DENND5B: variants seen among roughly 807,000 people sequenced by gnomAD.
DENND5B encodes the protein DENN domain containing 5B, also known as DENN domain-containing protein 5B.
In DENND5B, 34 loss-of-function variants were observed where a neutral mutation model predicts 140.6. The ratio of observed to expected loss-of-function variants is 0.24; its 90% CI spans 0.18 to 0.32. The LOEUF (loss-of-function observed/expected upper bound fraction) is 0.32. DENND5B is among the 10% of genes least tolerant of loss of function. The pLI is 1.00. For missense variants in DENND5B, 1,142 were observed against 1,560.2 expected, an observed-to-expected ratio of 0.73 and a Z score of 4.52; for synonymous variants, 551 against 562.1, an observed-to-expected ratio of 0.98 and a Z score of 0.28.
At chr12:31,411,792 C>T (rs1203802711) in intron 13 of DENND5B, among the ~76,000 whole-genome samples, 1 of 152,052 alleles carries the variant, frequency 6.6e-6, no homozygotes, top group African/African-American at 2.4e-5. Context: ...GTATGTAATC[C>T]AAGTGTGATA....
At chr12:31,424,966 G>A (rs1334605715) in intron 9 of DENND5B, among the ~76,000 whole-genome samples, 1 of 152,182 alleles carries the variant, frequency 6.6e-6, no homozygotes, top group African/African-American at 2.4e-5. Context: ...ATATACAACA[G>A]TTGTCAAATT....
intron 3 of DENND5B, 58 bp downstream of exon 3, chr12:31,479,531 A>T: frequency 2.9e-6 from 4 of 1,397,662 alleles, no homozygotes; most frequent in Non-Finnish European, 3.8e-6. Context: ...ATGGAAACAC[A>T]GTAGTTGGGA....
chr12:31,389,731 G>A (rs1427204805), intron 19 of DENND5B, among the ~76,000 whole-genome samples: 1 of 152,124 alleles, frequency 6.6e-6, no homozygotes, highest in African/African-American at 2.4e-5. Context: ...AGACTGGAAA[G>A]TTTACTCCCT....
rs1332623187 is a variant in DENND5B at position 31,382,945 on chromosome 12, T to C, written c.*4658A>G. ...AGGACCTAGTAGTTTATTATCCTTTTCTGTCTCCTATTTATGCTAAACAGT... is the reference window on the plus strand; with the variant it reads ...AGGACCTAGTAGTTTATTATCCTTTCCTGTCTCCTATTTATGCTAAACAGT... On this transcript the variant is annotated 3_prime_UTR_variant, in exon 21 of 21. Coordinates refer to ENST00000389082, the MANE Select transcript of DENND5B (RefSeq NM_144973.4). 1 of 152,170 alleles carries C rather than the reference T, an allele frequency of 6.6e-6. No homozygotes were observed. The highest frequency in any genetic ancestry group is 1.5e-5 in the Non-Finnish European group (1 of 68,022). 9.4% of individuals were successfully genotyped at this position (152,170 alleles called of 1,614,324 possible).
At chr12:31,399,504 C>A (rs978968759) in intron 16 of DENND5B, 150 bp downstream of exon 16, 2 of 545,892 alleles carry the variant, frequency 3.7e-6, no homozygotes, top group Non-Finnish European at 6.5e-6. Context: ...GTCTCAAACT[C>A]CTGACCTCAG....
intron 1 of DENND5B, among the ~76,000 whole-genome samples, chr12:31,585,525 C>CT (rs2098215846): frequency 2.0e-5 from 3 of 152,148 alleles, no homozygotes; most frequent in East Asian, 1.9e-4. Flanking sequence ...TCAAGCTCAT[C>CT]TTTTTTCTGA....
intron 1 of DENND5B, among the ~76,000 whole-genome samples, chr12:31,587,601 G>A (rs960666018): frequency 1.6e-5 from 2 of 123,644 alleles, no homozygotes; most frequent in Non-Finnish European, 3.2e-5. Context: ...AGGCTGGAGT[G>A]CAGTGGCACG....
At chr12:31,556,454 G>A (rs760453850) in intron 1 of DENND5B, among the ~76,000 whole-genome samples, 14 of 151,646 alleles carry the variant, frequency 9.2e-5, no homozygotes, top group East Asian at 3.9e-4. Flanking sequence ...CACTTGCCTC[G>A]GCCTCCCAAA....
At position 31,386,952 on chromosome 12, in the gene DENND5B, G is replaced by A. The variant is rs1457525234; in HGVS notation, c.*651C>T. ...TATGTTCTCTTTCCAGTTCAGCCAA[G>A]CTCCTGGGGTCTAGTGTTTAAAATA... On this transcript the variant is annotated 3_prime_UTR_variant, in exon 21 of 21. Transcript: ENST00000389082. The A allele has an allele frequency of 6.6e-5, 10 of 152,220 alleles. No homozygotes were observed. 9.4% of individuals were successfully genotyped at this position (152,220 alleles called of 1,614,324 possible). A position where few individuals can be genotyped will look rare whatever the true frequency, so the allele number is the denominator to read the frequency against.
chr12:31,560,793 T>C (rs1376998605), intron 1 of DENND5B, among the ~76,000 whole-genome samples: 4 of 152,178 alleles, frequency 2.6e-5, no homozygotes, highest in African/African-American at 9.7e-5. Flanking sequence ...AGGTGACCGC[T>C]TGATGTTTAC....
In DENND5B at chr12:31,401,867, T is replaced by C. The variant is rs1198550336; in HGVS notation, c.2949+631A>G. 2.0e-5 allele frequency among the ~76,000 whole-genome samples: 3 copies of C among 152,200 alleles called. No homozygotes were observed. The East Asian group carries it at 5.8e-4, about 29-fold the overall frequency. ...CTCAAACTCCTGGGCTCAAGCAATCTGCTCACCTTGGTCTCCCAAAGTGTT... is the reference window on the plus strand; with the variant it reads ...CTCAAACTCCTGGGCTCAAGCAATCCGCTCACCTTGGTCTCCCAAAGTGTT... On this transcript the variant is annotated intron_variant, in intron 15 of 20. Transcript: ENST00000389082.
At chr12:31,408,727 T>C (rs1338742074) in intron 14 of DENND5B, among the ~76,000 whole-genome samples, 2 of 152,188 alleles carry the variant, frequency 1.3e-5, no homozygotes, top group Non-Finnish European at 2.9e-5. Context: ...ACAGATACTT[T>C]GATTTTATGT....
chr12:31,498,010 A>G (rs1281774913), intron 1 of DENND5B, among the ~76,000 whole-genome samples: 1 of 151,834 alleles, frequency 6.6e-6, no homozygotes. Context: ...AAAGAAAGAT[A>G]GATTGATTTT....
intron 3 of DENND5B, among the ~76,000 whole-genome samples, chr12:31,475,708 C>G (rs1016027198): frequency 1.3e-5 from 2 of 152,000 alleles, no homozygotes; most frequent in Admixed American, 1.3e-4. Flanking sequence ...ACGATCATGT[C>G]ACTGCATTCC....
chr12:31,587,407 T>C (rs781085960), intron 1 of DENND5B, among the ~76,000 whole-genome samples: 2 of 152,014 alleles, frequency 1.3e-5, no homozygotes, highest in Non-Finnish European at 2.9e-5. Context: ...ATTCATAGAA[T>C]TCATACATAT....
intron 1 of DENND5B, among the ~76,000 whole-genome samples, chr12:31,566,067 C>T (rs182227181): frequency 1.3e-5 from 2 of 152,246 alleles, no homozygotes; most frequent in African/African-American, 4.8e-5. Context: ...ATCGCTTGAA[C>T]CCAGAAGGTG....
At position 31,443,071 on chromosome 12, in the gene DENND5B, C is replaced by T. The variant is rs570810561; in HGVS notation, c.1862-146G>A. 24 of 697,202 alleles carry T rather than the reference C, an allele frequency of 3.4e-5. 1 individual carries two copies. Among genetic ancestry groups the T allele is most frequent in the African/African-American group, 3.2e-4 (18 of 55,562 alleles). 43.2% of individuals were successfully genotyped at this position (697,202 alleles called of 1,614,324 possible). A position where few individuals can be genotyped will look rare whatever the true frequency, so the allele number is the denominator to read the frequency against. On this transcript the variant is annotated intron_variant, in intron 6 of 20. Transcript: ENST00000389082. Reference sequence around the variant, plus strand: ...GTGTGTGTGTGTGTGTGTGCACGCACGCACGCATATATGCATGTTTTGAGA... The same window carrying T: ...GTGTGTGTGTGTGTGTGTGCACGCATGCACGCATATATGCATGTTTTGAGA...
intron 3 of DENND5B, among the ~76,000 whole-genome samples, chr12:31,460,819 G>A (rs576047429): frequency 3.4e-4 from 52 of 152,216 alleles, no homozygotes; most frequent in African/African-American, 9.9e-4. Flanking sequence ...TCCACATCTC[G>A]GATTCAAGCG....
intron 1 of DENND5B, among the ~76,000 whole-genome samples, chr12:31,514,811 G>C (rs1489476007): frequency 1.4e-5 from 2 of 143,512 alleles, no homozygotes; most frequent in Non-Finnish European, 3.0e-5. Context: ...GACAAAGTGA[G>C]ACTCCGTCTC....
Sources: gnomAD v4.1 joint callset for allele counts (sites outside exome capture counted in the v4.1 genomes callset) on GRCh38, gnomAD v4.1.1 for gene constraint, MANE v1.5 for transcripts, NCBI Gene and HGNC (gene_info 2026-07-23, HGNC 2026-07-21) for gene names.